Variants in ZNF610 observed in about 807,000 individuals in gnomAD.
ZNF610 encodes zinc finger protein 610.
In ZNF610, 14 loss-of-function variants were observed where a neutral mutation model predicts 14.1. That is an observed-to-expected ratio of 0.99 (90% CI 0.65 to 1.55). The LOEUF is 1.55. Among genes scored for constraint, ZNF610 ranks in the 40% most tolerant of loss-of-function variants. The pLI, the probability that ZNF610 is intolerant of heterozygous loss-of-function variation, is 0.00. For missense variants in ZNF610, 530 were observed against 558.0 expected, an observed-to-expected ratio of 0.95 and a Z score of 0.51; for synonymous variants, 185 against 187.6, an observed-to-expected ratio of 0.99 and a Z score of 0.11.
intron 5 of ZNF610, among the ~76,000 whole-genome samples, chr19:52,357,501 C>T (rs1286381656): frequency 1.3e-5 from 2 of 151,860 alleles, no homozygotes; most frequent in African/African-American, 4.8e-5. Flanking sequence ...AAAAATTAGC[C>T]GGGTGTGGTT....
At chr19:52,357,675 A>T (rs963609304) in intron 5 of ZNF610, among the ~76,000 whole-genome samples, 14 of 150,846 alleles carry the variant, frequency 9.3e-5, no homozygotes, top group East Asian at 3.9e-4. Flanking sequence ...AAAAAAATTT[A>T]AAAAATTAGC....
Position 52,345,712 on chromosome 19 carries a change from AT to A in ZNF610, c.-257-1986del, listed in dbSNP as rs56991468. ...ATTTATTTATTTTATTTTTATTTTTATTTTTTTTTGGAGATGGAGTCTCGCT... is the reference window on the plus strand; with the variant it reads ...ATTTATTTATTTTATTTTTATTTTTATTTTTTTTGGAGATGGAGTCTCGCT... On this transcript the variant is annotated intron_variant, in intron 1 of 5. Transcript: ENST00000403906. Among the ~76,000 whole-genome samples the A allele has an allele frequency of 1.9e-3, 288 of 150,572 alleles. No homozygotes were observed. The East Asian group carries it at 0.027, about 14-fold the overall frequency.
chr19:52,335,821 T>C (rs1330018184), upstream of ZNF610, among the ~76,000 whole-genome samples: 1 of 152,188 alleles, frequency 6.6e-6, no homozygotes, highest in Non-Finnish European at 1.5e-5. Context: ...CCAGGCCTTT[T>C]AAATTAAATT....
At chr19:52,337,949 C>A (rs935066799) in intron 1 of ZNF610, among the ~76,000 whole-genome samples, 4 of 152,148 alleles carry the variant, frequency 2.6e-5, no homozygotes, top group African/African-American at 9.7e-5. Flanking sequence ...GTTTTTCCTA[C>A]GCTTACAATC....
chr19:52,354,505 T>C, intron 5 of ZNF610, 126 bp downstream of exon 5: 1 of 1,090,858 alleles, frequency 9.2e-7, no homozygotes, highest in South Asian at 1.7e-5. Context: ...CTCAAACTCC[T>C]GGACTCAAGC....
At chr19:52,339,133 G>A (rs1386693932) in intron 1 of ZNF610, among the ~76,000 whole-genome samples, 3 of 151,990 alleles carry the variant, frequency 2.0e-5, no homozygotes, top group Non-Finnish European at 4.4e-5. Flanking sequence ...CAGTATTGCT[G>A]CCAGCATGTC....
chr19:52,361,179 CT>C (rs199515927), intron 5 of ZNF610, among the ~76,000 whole-genome samples: 180 of 140,682 alleles, frequency 1.3e-3, no homozygotes, highest in Middle Eastern at 3.8e-3. Flanking sequence ...ATCTCATTTT[CT>C]TTTTTTTTTT....
chr19:52,357,131 C>T lies in ZNF610; in HGVS notation c.319+2752C>T, dbSNP rs1308600684. Among the ~76,000 whole-genome samples the T allele has an allele frequency of 2.0e-5, 3 of 152,208 alleles. No homozygotes were observed. The East Asian group carries it at 5.8e-4, about 29-fold the overall frequency. On this transcript the variant is annotated intron_variant, in intron 5 of 5. Transcript: ENST00000403906. Reference sequence around the variant, plus strand: ...TTCAAAAGTTGGGGTTCCCATGGCTCCCTCTTTGGGTTTGATTAATTTGCT... The same window carrying T: ...TTCAAAAGTTGGGGTTCCCATGGCTTCCTCTTTGGGTTTGATTAATTTGCT...
At chr19:52,331,042 C>T in the ZNF610 span, among the ~76,000 whole-genome samples, 10 of 152,310 alleles carry the variant, frequency 6.6e-5, no homozygotes, top group Non-Finnish European at 1.0e-4. Flanking sequence ...ATACACATAA[C>T]TCCCAACTCC....
intron 1 of ZNF610, among the ~76,000 whole-genome samples, chr19:52,341,095 A>G (rs1984671662): frequency 6.6e-6 from 1 of 152,158 alleles, no homozygotes; most frequent in Admixed American, 6.5e-5. Context: ...TTTAAAACAA[A>G]AAATACTGTA....
At chr19:52,353,095 T>C (rs1008945455) in intron 3 of ZNF610, among the ~76,000 whole-genome samples, 1 of 152,060 alleles carries the variant, frequency 6.6e-6, no homozygotes. Context: ...CCCGCCACCA[T>C]GCCTGGCTAA....
intron 1 of ZNF610, chr19:52,347,150 C>G (rs545665342): frequency 2.6e-5 from 4 of 152,218 alleles, no homozygotes; most frequent in African/African-American, 9.7e-5. Flanking sequence ...TCCCAGATGA[C>G]AGCTCCATAC....
At chr19:52,354,729 T>C (rs1033764474) in intron 5 of ZNF610, among the ~76,000 whole-genome samples, 1 of 151,662 alleles carries the variant, frequency 6.6e-6, no homozygotes, top group Non-Finnish European at 1.5e-5. Context: ...CAGGCATGTG[T>C]CACCACACCC....
In ZNF610 at chr19:52,366,763, A is replaced by G; in HGVS notation, c.1385A>G (p.Glu462Gly). 6.2e-7 allele frequency: 1 copy of G among 1,604,486 alleles called. No homozygotes were observed. The change falls in exon 6 of 6, where the codon GAA becomes GGA. Residue 462 changes from glutamate (E) to glycine (G), a missense_variant. Coordinates refer to ENST00000403906, the MANE Select transcript of ZNF610 (RefSeq NM_001161425.2). ...AATTCACTGCGTACCTTACAGATGG[A>G]ATGAATGTGGCAAAATCTTTAGTTA... ...GENSLRTLQM[E>G]
chr19:52,333,358 C>T (rs1180054894), upstream of ZNF610, among the ~76,000 whole-genome samples: 1 of 152,198 alleles, frequency 6.6e-6, no homozygotes, highest in Non-Finnish European at 1.5e-5. Flanking sequence ...CTGGCAACAT[C>T]CCCCTGGCAA....
intron 5 of ZNF610, among the ~76,000 whole-genome samples, chr19:52,361,907 T>C (rs1302858552): frequency 6.6e-6 from 1 of 152,200 alleles, no homozygotes; most frequent in Non-Finnish European, 1.5e-5. Context: ...TAAAGTTAGA[T>C]TGTTTACATG....
At chr19:52,330,454 G>A in the ZNF610 span, 73 of 152,220 alleles carry the variant, frequency 4.8e-4, no homozygotes, top group African/African-American at 1.6e-3. Flanking sequence ...TCACCTCCCC[G>A]AAGAACCACA....
chr19:52,335,487 G>A (rs1984333105), upstream of ZNF610, among the ~76,000 whole-genome samples: 1 of 152,134 alleles, frequency 6.6e-6, no homozygotes, highest in Non-Finnish European at 1.5e-5. Flanking sequence ...CGCGCTTGGC[G>A]TTGTCCCTCG....
rs1405795657 is a variant in ZNF610, at chr19:52,357,640, A to G, written c.319+3261A>G. 9.6e-4 allele frequency among the ~76,000 whole-genome samples: 70 copies of G among 72,864 alleles called. No homozygotes were observed. In the South Asian group the frequency reaches 0.038, roughly 40 times the overall value. The allele number at this position is 72,864 out of a possible 152,430, so 47.8% of individuals were successfully genotyped here. A position where few individuals can be genotyped will look rare whatever the true frequency, so the allele number is the denominator to read the frequency against. On this transcript the variant is annotated intron_variant, in intron 5 of 5. Coordinates refer to ENST00000403906, the MANE Select transcript of ZNF610 (RefSeq NM_001161425.2). ...AGCCTGGGAGATAGAGCGAGCCTCC[A>G]TCTCAAAAAAAAAAAAAAAAAAAAA... is the stretch of plus-strand genomic sequence containing the variant.
Sources: allele counts gnomAD v4.1 joint callset (sites outside exome capture counted in the v4.1 genomes callset), GRCh38; gene constraint gnomAD v4.1.1; transcripts MANE v1.5; gene names NCBI Gene and HGNC (gene_info 2026-07-23, HGNC 2026-07-21).